Variants in CTNNA2 observed in about 807,000 individuals in gnomAD.
CTNNA2 encodes catenin alpha 2, also known as catenin alpha-2.
Under a neutral mutation model 101.0 loss-of-function variants are expected in CTNNA2, and 42 were observed. The observed-to-expected ratio is 0.42, with a 90% CI of 0.32 to 0.54. CTNNA2 has a LOEUF of 0.54. Among genes scored for constraint, CTNNA2 ranks in the 20% least tolerant of loss-of-function variants. CTNNA2 has a pLI of 0.14. For synonymous variants in CTNNA2, 450 were observed against 456.4 expected, an observed-to-expected ratio of 0.99 and a Z score of 0.18; for missense variants, 871 against 1,223.1, an observed-to-expected ratio of 0.71 and a Z score of 4.29.
chr2:80,474,004 A>G (rs975676755), intron 9 of CTNNA2, among the ~76,000 whole-genome samples: 3 of 152,174 alleles, frequency 2.0e-5, no homozygotes, highest in Non-Finnish European at 4.4e-5. Context: ...CACAGCTTCA[A>G]TGCAGGCACA....
At chr2:79,674,142 A>G (rs534105525) in intron 2 of CTNNA2, among the ~76,000 whole-genome samples, 106 of 152,290 alleles carry the variant, frequency 7.0e-4, no homozygotes, top group Non-Finnish European at 1.3e-3. Flanking sequence ...ACGATCTGAG[A>G]CATGTGGTCC....
intron 1 of CTNNA2, among the ~76,000 whole-genome samples, chr2:79,618,965 G>A (rs1279039264): frequency 6.6e-6 from 1 of 152,204 alleles, no homozygotes; most frequent in Non-Finnish European, 1.5e-5. Context: ...CAGCACTTTG[G>A]GAGGCCGAGG....
intron 1 of CTNNA2, among the ~76,000 whole-genome samples, chr2:79,518,695 A>G (rs920805510): frequency 1.4e-4 from 21 of 152,172 alleles, no homozygotes; most frequent in Admixed American, 8.5e-4. Context: ...TAGGGCCTGA[A>G]GCAGTTGTTA....
At chr2:79,414,740 GTC>G (rs1678458773) in intron 4 of CTNNA2, among the ~76,000 whole-genome samples, 2 of 152,048 alleles carry the variant, frequency 1.3e-5, no homozygotes, top group Non-Finnish European at 2.9e-5. Flanking sequence ...AGCTAGGCTA[GTC>G]TCTCTGAGGG....
chr2:80,321,134 A>C (rs1678634294), intron 7 of CTNNA2, among the ~76,000 whole-genome samples: 1 of 152,252 alleles, frequency 6.6e-6, no homozygotes, highest in African/African-American at 2.4e-5. Context: ...ACCTGTAAAA[A>C]TGACTGAAAG....
chr2:79,485,292 T>TAAA, intron 4 of CTNNA2, among the ~76,000 whole-genome samples: 1 of 152,308 alleles, frequency 6.6e-6, no homozygotes, highest in Middle Eastern at 3.4e-3. Context: ...ATCTGGGGAC[T>TAAA]GTGCATCTAA....
intron 9 of CTNNA2, among the ~76,000 whole-genome samples, chr2:80,463,313 C>T (rs931952363): frequency 6.6e-6 from 1 of 152,122 alleles, no homozygotes; most frequent in Non-Finnish European, 1.5e-5. Context: ...CCTTAATAGT[C>T]GCCAGCACTA....
intron 3 of CTNNA2, among the ~76,000 whole-genome samples, chr2:79,845,654 A>G (rs114886152): frequency 0.018 from 2,696 of 152,306 alleles, 86 homozygotes; most frequent in African/African-American, 0.061. Context: ...GAGATTCATC[A>G]TGACCCTAGT....
chr2:79,563,641 A>C (rs562615570), intron 1 of CTNNA2, among the ~76,000 whole-genome samples: 16 of 152,270 alleles, frequency 1.1e-4, no homozygotes, highest in African/African-American at 3.8e-4. Context: ...TATGCTAATT[A>C]TGCAAATATT....
At chr2:79,508,707 T>A (rs1022314319), upstream of CTNNA2, among the ~76,000 whole-genome samples, 2 of 151,936 alleles carry the variant, frequency 1.3e-5, no homozygotes, top group African/African-American at 2.4e-5. Context: ...CAAGTATTAT[T>A]TCATAAAATT....
Position 80,583,614 on chromosome 2 carries a change from T to C in CTNNA2, c.2007+1795T>C, listed in dbSNP as rs3770338. 2.0e-4 allele frequency among the ~76,000 whole-genome samples: 30 copies of C among 152,300 alleles called. No individual in the cohort carries two copies. In the East Asian group the frequency reaches 5.6e-3, roughly 28 times the overall value. The stretch of plus-strand genomic sequence containing the variant: ...TACATACAGCCTAGTATCCACTGAC[T>C]AGTTTTCTTAAAGACAAAGACAGGT... On this transcript the variant is annotated intron_variant, in intron 14 of 18. Transcript: ENST00000402739.
chr2:79,577,509 T>G (rs1675871810), intron 1 of CTNNA2, among the ~76,000 whole-genome samples: 1 of 152,108 alleles, frequency 6.6e-6, no homozygotes, highest in Admixed American at 6.6e-5. Flanking sequence ...TATTACAAAT[T>G]ATTTCAGGCT....
intron 6 of CTNNA2, among the ~76,000 whole-genome samples, chr2:79,889,185 A>C (rs1220923603): frequency 2.0e-5 from 3 of 151,724 alleles, no homozygotes; most frequent in Non-Finnish European, 2.9e-5. Context: ...ACCACACACA[A>C]ACACACACAC....
chr2:79,733,606 C>T (rs904303256), intron 2 of CTNNA2, among the ~76,000 whole-genome samples: 5 of 151,570 alleles, frequency 3.3e-5, no homozygotes, highest in African/African-American at 1.2e-4. Context: ...TGGGAACTTA[C>T]CCTTCCCTCA....
intron 2 of CTNNA2, among the ~76,000 whole-genome samples, chr2:79,267,369 TA>T (rs200440383): frequency 0.027 from 4,041 of 152,212 alleles, 184 homozygotes; most frequent in African/African-American, 0.093. Context: ...TCATAGATGG[TA>T]CCTTTGCACC....
intron 7 of CTNNA2, among the ~76,000 whole-genome samples, chr2:79,985,663 A>G (rs1691706115): frequency 1.3e-5 from 2 of 152,176 alleles, no homozygotes. Flanking sequence ...AAACTAATCT[A>G]CTGTATATGT....
Position 80,619,101 on chromosome 2 carries a change from C to T in CTNNA2, c.2447C>T (p.Thr816Ile). Residue 816 changes from threonine to isoleucine, a missense_variant, in exon 18 of 19, where the codon ACT becomes ATT. Physicochemically the swap from Thr to Ile is moderately conservative, Grantham distance 89. Around this residue, in one of 5 missense-constraint regions of CTNNA2, gnomAD observed 65 missense variants for 53.3 expected, o/e 1.22. Transcript: ENST00000402739. ...GGAAATCAGACAGGAGTTCAGAGCA[C>T]TTTCACTACCTTTTATGAGGTAGAT... ...LIVSGTGVQS[T>I]FTTFYEVDCD... The T allele has an allele frequency of 1.3e-6, 2 of 1,528,106 alleles. No individual in the cohort carries two copies. Among genetic ancestry groups the T allele is most frequent in the Non-Finnish European group, 1.8e-6 (2 of 1,135,058 alleles). The allele number at this position is 1,528,106 out of a possible 1,614,324, so 94.7% of individuals were successfully genotyped here.
chr2:80,413,055 C>T (rs2149397050), intron 8 of CTNNA2, among the ~76,000 whole-genome samples: 1 of 152,256 alleles, frequency 6.6e-6, no homozygotes, highest in South Asian at 2.1e-4. Flanking sequence ...ATTCATGCAA[C>T]AAATCTACTA....
intron 2 of CTNNA2, among the ~76,000 whole-genome samples, chr2:79,240,542 A>G (rs1674613833): frequency 6.6e-6 from 1 of 152,202 alleles, no homozygotes; most frequent in Non-Finnish European, 1.5e-5. Flanking sequence ...TGTAAAGGAC[A>G]TGATCTCTGA....
Sources: gnomAD v4.1 joint callset for allele counts (sites outside exome capture counted in the v4.1 genomes callset) on GRCh38, gnomAD v4.1.1 for gene constraint, gnomAD v4.1.1 regional missense constraint, MANE v1.5 for transcripts, NCBI Gene and HGNC (gene_info 2026-07-23, HGNC 2026-07-21) for gene names.